Variants in KCTD16 observed in about 807,000 individuals in gnomAD.
KCTD16 encodes potassium channel tetramerization domain containing 16.
A neutral mutation model predicts 33.2 loss-of-function variants in KCTD16; 13 were observed. The observed-to-expected ratio is 0.39, with a 90% CI of 0.25 to 0.62. KCTD16 has a LOEUF of 0.62. KCTD16 is among the 20% of genes least tolerant of loss of function. The probability of loss-of-function intolerance (pLI) is 0.50; values close to 1 mark genes in which losing one functional copy is unlikely to be tolerated. For missense variants in KCTD16, 441 were observed against 525.1 expected, an observed-to-expected ratio of 0.84 and a Z score of 1.57; for synonymous variants, 197 against 195.3, an observed-to-expected ratio of 1.01 and a Z score of -0.07.
intron 3 of KCTD16, among the ~76,000 whole-genome samples, chr5:144,470,031 A>G (rs756206775): frequency 1.3e-4 from 20 of 151,914 alleles, no homozygotes; most frequent in Non-Finnish European, 2.2e-4. Context: ...TGGCTAATCA[A>G]TTGTAACCTA....
chr5:144,191,365 G>A (rs1752837898), intron 2 of KCTD16, among the ~76,000 whole-genome samples: 2 of 152,174 alleles, frequency 1.3e-5, no homozygotes, highest in South Asian at 4.1e-4. Flanking sequence ...CTCCTCCACT[G>A]TTCTTTCACT....
At chr5:144,433,671 C>G (rs2063089299) in intron 3 of KCTD16, among the ~76,000 whole-genome samples, 1 of 152,098 alleles carries the variant, frequency 6.6e-6, no homozygotes, top group African/African-American at 2.4e-5. Context: ...CACTGGCTTC[C>G]CAAGTAGACT....
intron 3 of KCTD16, among the ~76,000 whole-genome samples, chr5:144,392,346 G>A (rs1459704073): frequency 2.0e-5 from 3 of 152,180 alleles, no homozygotes; most frequent in South Asian, 2.1e-4. Context: ...GGATCTGAGG[G>A]CACAGTGGTA....
rs199981408 is a variant in KCTD16, at chr5:144,283,597, C to T, written c.832+76051C>T. 3.2e-4 allele frequency among the ~76,000 whole-genome samples: 48 copies of T among 152,288 alleles called. No individual in the cohort carries two copies. The East Asian group carries it at 7.5e-3, about 24-fold the overall frequency. On this transcript the variant is annotated intron_variant, in intron 3 of 3. Transcript: ENST00000512467. ...ACAAATATAACGGATAAAAATGCAA[C>T]ACCCAAATATTTTCAGCCAATTGTG...
chr5:144,191,453 C>T (rs1241727034), intron 2 of KCTD16, among the ~76,000 whole-genome samples: 1 of 144,646 alleles, frequency 6.9e-6, no homozygotes, highest in Admixed American at 6.8e-5. Flanking sequence ...TACCCCCTGA[C>T]ACACTTACAC....
intron 2 of KCTD16, chr5:144,205,767 A>C (rs2126788593): frequency 2.5e-6 from 1 of 393,796 alleles, no homozygotes; most frequent in East Asian, 3.6e-5. Context: ...ATCAGGGCTT[A>C]ACTTTTTTTG....
At chr5:144,187,347 C>T (rs1023879971) in intron 2 of KCTD16, among the ~76,000 whole-genome samples, 13 of 152,038 alleles carry the variant, frequency 8.6e-5, no homozygotes, top group African/African-American at 3.1e-4. Flanking sequence ...CTAGCACTGC[C>T]TTTCTATTTC....
At chr5:144,279,508 A>G (rs1755542398) in intron 3 of KCTD16, among the ~76,000 whole-genome samples, 1 of 152,238 alleles carries the variant, frequency 6.6e-6, no homozygotes, top group Non-Finnish European at 1.5e-5. Context: ...AAAATACCAC[A>G]GACTGGGTAA....
chr5:144,211,721 A>G (rs550064803), intron 3 of KCTD16, among the ~76,000 whole-genome samples: 48 of 152,286 alleles, frequency 3.2e-4, no homozygotes, highest in African/African-American at 1.0e-3. Flanking sequence ...TTCAATTTTT[A>G]TTACCTATAG....
chr5:144,393,371 A>G (rs1752493344), intron 3 of KCTD16, among the ~76,000 whole-genome samples: 1 of 152,162 alleles, frequency 6.6e-6, no homozygotes, highest in Admixed American at 6.6e-5. Flanking sequence ...GAAATGTTTT[A>G]GTTTCTAACT....
intron 3 of KCTD16, among the ~76,000 whole-genome samples, chr5:144,307,713 T>C (rs1288280080): frequency 6.6e-6 from 1 of 152,258 alleles, no homozygotes; most frequent in East Asian, 1.9e-4. Context: ...GCTGAATTGA[T>C]TCAGATTACA....
rs556126447 is a variant in KCTD16 at position 144,292,970 on chromosome 5, G to A, written c.832+85424G>A. ...GACCTCAAGCTGTGAAGCACAAGGC[G>A]TAAATTTCTTTGCCTTTTTGTACAG... On this transcript the variant is annotated intron_variant, in intron 3 of 3. Coordinates refer to ENST00000512467, the MANE Select transcript of KCTD16 (RefSeq NM_020768.4). Among the ~76,000 whole-genome samples the A allele has an allele frequency of 4.6e-5, 7 of 152,320 alleles. No homozygotes were observed. The East Asian group carries it at 7.7e-4, about 17-fold the overall frequency.
intron 3 of KCTD16, among the ~76,000 whole-genome samples, chr5:144,288,265 C>A (rs1351049595): frequency 1.3e-5 from 2 of 152,142 alleles, no homozygotes; most frequent in Non-Finnish European, 2.9e-5. Flanking sequence ...AGTTGTAAGA[C>A]CTTGAACAAA....
At chr5:144,293,416 A>G (rs1478167562) in intron 3 of KCTD16, among the ~76,000 whole-genome samples, 1 of 152,082 alleles carries the variant, frequency 6.6e-6, no homozygotes, top group Non-Finnish European at 1.5e-5. Flanking sequence ...TTGTCTCTAT[A>G]GTTCTTTTTT....
chr5:144,472,541 A>G (rs1237158332), intron 3 of KCTD16, among the ~76,000 whole-genome samples: 1 of 152,236 alleles, frequency 6.6e-6, no homozygotes, highest in Non-Finnish European at 1.5e-5. Context: ...AGTTTATCAT[A>G]TAAATGAAAA....
chr5:144,394,893 T>C (rs747025990), intron 3 of KCTD16, among the ~76,000 whole-genome samples: 3 of 152,222 alleles, frequency 2.0e-5, no homozygotes, highest in Non-Finnish European at 2.9e-5. Context: ...TTTATAGCAG[T>C]GTGAGAATGA....
At chr5:144,371,718 C>T (rs1006558180) in intron 3 of KCTD16, among the ~76,000 whole-genome samples, 5 of 151,804 alleles carry the variant, frequency 3.3e-5, no homozygotes, top group African/African-American at 1.2e-4. Flanking sequence ...GTGGTGAGGG[C>T]TTGAAATTCA....
chr5:144,435,013 G>C (rs1251683973), intron 3 of KCTD16, among the ~76,000 whole-genome samples: 1 of 152,148 alleles, frequency 6.6e-6, no homozygotes, highest in East Asian at 1.9e-4. Flanking sequence ...GTGCTGTGAA[G>C]TTTAGAAGGG....
chr5:144,331,023 G>A (rs566232282), intron 3 of KCTD16, among the ~76,000 whole-genome samples: 46 of 152,160 alleles, frequency 3.0e-4, no homozygotes, highest in Non-Finnish European at 5.1e-4. Context: ...AACTGAACTT[G>A]GTTCTTAAAA....
Sources: allele counts gnomAD v4.1 joint callset (sites outside exome capture counted in the v4.1 genomes callset), GRCh38; gene constraint gnomAD v4.1.1; transcripts MANE v1.5; gene names NCBI Gene and HGNC (gene_info 2026-07-23, HGNC 2026-07-21).